PTPN4: variants seen among roughly 807,000 people sequenced by gnomAD.
PTPN4 encodes the protein protein tyrosine phosphatase non-receptor type 4, also known as tyrosine-protein phosphatase non-receptor type 4.
PTPN4 carries 49 observed loss-of-function variants against 135.5 expected under a neutral mutation model. The ratio of observed to expected loss-of-function variants is 0.36; its 90% CI spans 0.29 to 0.46. The LOEUF (loss-of-function observed/expected upper bound fraction) is 0.46. Ranked by LOEUF, PTPN4 falls within the 20% of genes least tolerant of loss-of-function variation. The probability of loss-of-function intolerance (pLI) is 1.00; values close to 1 mark genes in which losing one functional copy is unlikely to be tolerated. For missense variants in PTPN4, 860 were observed against 1,101.0 expected, an observed-to-expected ratio of 0.78 and a Z score of 3.10; for synonymous variants, 333 against 369.9, an observed-to-expected ratio of 0.90 and a Z score of 1.14.
intron 1 of PTPN4, among the ~76,000 whole-genome samples, chr2:119,799,376 T>C (rs1691321521): frequency 6.6e-6 from 1 of 152,200 alleles, no homozygotes; most frequent in African/African-American, 2.4e-5. Context: ...AGTAGAACAT[T>C]TGAAAAATAA....
chr2:119,872,220 C>A (rs1229560774), intron 3 of PTPN4, among the ~76,000 whole-genome samples: 1 of 151,838 alleles, frequency 6.6e-6, no homozygotes, highest in East Asian at 1.9e-4. Context: ...TTTTACTAAA[C>A]CCTATGTTTT....
At chr2:119,846,517 G>A (rs1677501133) in intron 2 of PTPN4, among the ~76,000 whole-genome samples, 1 of 151,234 alleles carries the variant, frequency 6.6e-6, no homozygotes, top group Admixed American at 6.6e-5. Context: ...TGAAAGAAAA[G>A]TGTGTCTTTC....
intron 11 of PTPN4, 180 bp downstream of exon 11, chr2:119,915,422 T>G: frequency 2.5e-6 from 1 of 398,692 alleles, no homozygotes; most frequent in Non-Finnish European, 4.4e-6. Context: ...AGTGTGTATG[T>G]GGTTCTAATT....
At chr2:119,826,727 A>G (rs1041190056) in intron 2 of PTPN4, among the ~76,000 whole-genome samples, 2 of 152,162 alleles carry the variant, frequency 1.3e-5, no homozygotes, top group African/African-American at 4.8e-5. Context: ...TGATGAGTAA[A>G]TTTTTAAAAT....
At chr2:119,904,917 A>G (rs1469678245) in intron 10 of PTPN4, among the ~76,000 whole-genome samples, 1 of 152,190 alleles carries the variant, frequency 6.6e-6, no homozygotes, top group Non-Finnish European at 1.5e-5. Flanking sequence ...TACATCTGGA[A>G]GTGAAAGGAT....
At chr2:119,778,910 A>G (rs1690887177) in intron 1 of PTPN4, among the ~76,000 whole-genome samples, 1 of 133,642 alleles carries the variant, frequency 7.5e-6, no homozygotes, top group South Asian at 2.5e-4. Context: ...CATGATTACC[A>G]GGAATACTTT....
intron 2 of PTPN4, among the ~76,000 whole-genome samples, chr2:119,852,159 C>T (rs1020720566): frequency 6.6e-6 from 1 of 152,218 alleles, no homozygotes; most frequent in Non-Finnish European, 1.5e-5. Context: ...TTCAAAGACT[C>T]AACTTCCTGG....
rs531354131 is a variant in PTPN4 at position 119,788,796 on chromosome 2, G to C, written c.-17-21041G>C. The stretch of plus-strand genomic sequence containing the variant: ...AGGCTCAATAACACTTCATTGTGTG[G>C]ATATACCATATTTTGCTTATCTCCT... On this transcript the variant is annotated intron_variant, in intron 1 of 26. Transcript: ENST00000263708. Among the ~76,000 whole-genome samples the C allele has an allele frequency of 5.9e-4, 90 of 152,252 alleles. No individual in the cohort carries two copies. The South Asian group carries it at 0.018, about 31-fold the overall frequency.
At chr2:119,856,055 C>T (rs1227669394) in intron 2 of PTPN4, among the ~76,000 whole-genome samples, 1 of 152,154 alleles carries the variant, frequency 6.6e-6, no homozygotes, top group African/African-American at 2.4e-5. Flanking sequence ...CTGCCCACCT[C>T]AGCCTCCCAA....
rs1679264311 is a variant in PTPN4 at position 119,955,297 on chromosome 2, A to G, written c.1954A>G (p.Thr652Ala). 1 of 1,610,376 alleles carries G rather than the reference A, an allele frequency of 6.2e-7. No homozygotes were observed. The highest frequency in any genetic ancestry group is 8.5e-7 in the Non-Finnish European group (1 of 1,178,868). ...GATCCAGCTAGCTGAGGGGCTTATC[A>G]CTGGAACAGTCCTGACACAGTTTGA... is the stretch of plus-strand genomic sequence containing the variant. ...SMIQLAEGLI[T>A]GTVLTQFDQL... Residue 652 changes from threonine (T) to alanine (A), a missense_variant, in exon 20 of 27, where the codon ACT (threonine) becomes GCT (alanine). Physicochemically the swap from Thr to Ala is moderately conservative, Grantham distance 58. Around this residue, in one of 2 missense-constraint regions of PTPN4, gnomAD observed 684 missense variants for 807.0 expected, o/e 0.85. Coordinates refer to ENST00000263708, the MANE Select transcript of PTPN4 (RefSeq NM_002830.4).
At chr2:119,924,495 A>G (rs1678790607) in intron 12 of PTPN4, among the ~76,000 whole-genome samples, 1 of 151,968 alleles carries the variant, frequency 6.6e-6, no homozygotes, top group Non-Finnish European at 1.5e-5. Context: ...TGTTCTTTTT[A>G]TATTTTTCTA....
At chr2:119,865,238 AT>A (rs1182308019) in intron 3 of PTPN4, among the ~76,000 whole-genome samples, 1 of 152,156 alleles carries the variant, frequency 6.6e-6, no homozygotes, top group African/African-American at 2.4e-5. Flanking sequence ...TCAATGTGAA[AT>A]TAAGGCTTTG....
intron 2 of PTPN4, among the ~76,000 whole-genome samples, chr2:119,833,235 A>G (rs911498395): frequency 6.6e-6 from 1 of 151,424 alleles, no homozygotes; most frequent in Non-Finnish European, 1.5e-5. Context: ...CCATGTGGCT[A>G]TCTAGTTGGC....
intron 13 of PTPN4, among the ~76,000 whole-genome samples, chr2:119,931,076 G>T (rs1678898777): frequency 6.6e-6 from 1 of 151,894 alleles, no homozygotes; most frequent in Non-Finnish European, 1.5e-5. Context: ...TCTGATTTTT[G>T]TAGGAAGACA....
At chr2:119,766,470 G>A (rs977792646) in intron 1 of PTPN4, among the ~76,000 whole-genome samples, 7 of 138,538 alleles carry the variant, frequency 5.1e-5, no homozygotes, top group African/African-American at 9.3e-5. Flanking sequence ...GTGTGTGTGT[G>A]TGTGTGTGTG....
At chr2:119,924,813 A>G (rs148727946) in intron 12 of PTPN4, among the ~76,000 whole-genome samples, 1 of 152,226 alleles carries the variant, frequency 6.6e-6, no homozygotes, top group Non-Finnish European at 1.5e-5. Flanking sequence ...AAATTAAGGT[A>G]TCAGTCAGAG....
chr2:119,920,309 A>C, intron 12 of PTPN4, 68 bp downstream of exon 12: 1 of 1,465,726 alleles, frequency 6.8e-7, no homozygotes, highest in Admixed American at 2.1e-5. Context: ...ATAAAGATGT[A>C]GTTTATGGAA....
At chr2:119,919,793 C>T (rs1678710407) in intron 11 of PTPN4, among the ~76,000 whole-genome samples, 1 of 132,590 alleles carries the variant, frequency 7.5e-6, no homozygotes, top group African/African-American at 2.9e-5. Context: ...CACTGCACTC[C>T]AGCATGGATG....
intron 23 of PTPN4, among the ~76,000 whole-genome samples, chr2:119,961,235 A>G (rs1488274063): frequency 5.0e-5 from 3 of 59,606 alleles, no homozygotes; most frequent in African/African-American, 1.7e-4. Context: ...TCTACAGTAA[A>G]ATAAATAATG....
Sources: allele counts gnomAD v4.1 joint callset (sites outside exome capture counted in the v4.1 genomes callset), GRCh38; gene constraint gnomAD v4.1.1; regional missense constraint gnomAD v4.1.1; transcripts MANE v1.5; gene names NCBI Gene and HGNC (gene_info 2026-07-23, HGNC 2026-07-21).